PCDH15: variants seen among roughly 807,000 people sequenced by gnomAD.
PCDH15 encodes protocadherin related 15.
A neutral mutation model predicts 178.5 loss-of-function variants in PCDH15; 129 were observed. The observed-to-expected ratio is 0.72, with a 90% CI of 0.63 to 0.84. The LOEUF (loss-of-function observed/expected upper bound fraction) is 0.84. Ranked by LOEUF, PCDH15 falls within the 40% of genes least tolerant of loss-of-function variation. PCDH15 has a pLI of 0.00. For missense variants in PCDH15, 2,230 were observed against 2,099.9 expected (o/e 1.06, Z -1.21); for synonymous variants, 800 against 732.0 (o/e 1.09, Z -1.50).
At chr10:54,894,188 AAT>A (rs1266518767) in intron 3 of PCDH15, among the ~76,000 whole-genome samples, 1 of 152,112 alleles carries the variant, frequency 6.6e-6, no homozygotes, top group African/African-American at 2.4e-5. Flanking sequence ...AGACAACACT[AAT>A]ACAATGTATT....
chr10:55,128,893 T>G (rs1379308207), intron 2 of PCDH15, among the ~76,000 whole-genome samples: 1 of 152,048 alleles, frequency 6.6e-6, no homozygotes, highest in Non-Finnish European at 1.5e-5. Flanking sequence ...CTGCCAGAGT[T>G]TCATGGATAA....
At chr10:54,487,968 G>A (rs2079244792) in intron 3 of PCDH15, among the ~76,000 whole-genome samples, 1 of 151,830 alleles carries the variant, frequency 6.6e-6, no homozygotes, top group African/African-American at 2.4e-5. Flanking sequence ...TGATCAAAGT[G>A]AAGCTTTTGA....
intron 1 of PCDH15, among the ~76,000 whole-genome samples, chr10:54,684,829 A>T (rs190519965): frequency 6.6e-6 from 1 of 151,928 alleles, no homozygotes; most frequent in African/African-American, 2.4e-5. Flanking sequence ...GTGTATTAGA[A>T]TAGAATGTCT....
chr10:54,682,501 A>G (rs1032884076), intron 1 of PCDH15, among the ~76,000 whole-genome samples: 1 of 152,188 alleles, frequency 6.6e-6, no homozygotes, highest in Non-Finnish European at 1.5e-5. Context: ...CATTTATTGC[A>G]TCTTTACCAC....
chr10:54,206,712 TCTC>T (rs3069580), intron 10 of PCDH15, among the ~76,000 whole-genome samples: 136,603 of 151,956 alleles, frequency 0.9, 61,566 homozygotes, highest in East Asian at 0.98. Flanking sequence ...GGTCAATATT[TCTC>T]CTCCACCTAC....
chr10:55,602,238 CG>C (rs1311210629), intron 2 of PCDH15, among the ~76,000 whole-genome samples: 2 of 152,194 alleles, frequency 1.3e-5, no homozygotes, highest in Non-Finnish European at 2.9e-5. Flanking sequence ...GAGGGTCCTA[CG>C]CCCACGGAGT....
At chr10:54,906,424 A>G (rs1954722864) in intron 2 of PCDH15, among the ~76,000 whole-genome samples, 1 of 152,164 alleles carries the variant, frequency 6.6e-6, no homozygotes, top group South Asian at 2.1e-4. Context: ...TACCAAGCTC[A>G]CATTAAAATA....
chr10:55,121,548 T>A (rs925774891), intron 2 of PCDH15, among the ~76,000 whole-genome samples: 4 of 152,146 alleles, frequency 2.6e-5, no homozygotes, highest in Admixed American at 1.3e-4. Context: ...GGGAAGACCA[T>A]CATGGTTTGA....
At position 54,259,111 on chromosome 10, in the gene PCDH15, T is replaced by A. The variant is rs767898817; in HGVS notation, c.877-22180A>T. Among the ~76,000 whole-genome samples, 65 of 151,542 alleles carry A rather than the reference T, an allele frequency of 4.3e-4. 1 individual carries two copies. The highest frequency in any genetic ancestry group is 8.5e-4 in the Non-Finnish European group (58 of 67,988). ...ATAGTGACCTAAATTACTTTAAAGG[T>A]AATCTTGATCATAATAGAATGCTGC... On this transcript the variant is annotated intron_variant, in intron 8 of 37. Coordinates refer to ENST00000644397, the MANE Select transcript of PCDH15 (RefSeq NM_001384140.1).
At chr10:54,963,954 GA>G (rs1838718207) in intron 2 of PCDH15, among the ~76,000 whole-genome samples, 1 of 152,134 alleles carries the variant, frequency 6.6e-6, no homozygotes, top group South Asian at 2.1e-4. Context: ...TCCATCTCCT[GA>G]AGAGGCTAAA....
At chr10:55,157,905 G>A (rs1308620471) in intron 2 of PCDH15, among the ~76,000 whole-genome samples, 1 of 151,812 alleles carries the variant, frequency 6.6e-6, no homozygotes, top group Non-Finnish European at 1.5e-5. Context: ...GTATACATAT[G>A]TAACAAACAT....
chr10:54,329,900 A>T (rs781542346), intron 6 of PCDH15, among the ~76,000 whole-genome samples, 194 bp from the exon 7 acceptor site: 4 of 151,914 alleles, frequency 2.6e-5, no homozygotes, highest in Non-Finnish European at 5.9e-5. Context: ...GTTTCCCCAG[A>T]GTCCTTTGGT....
chr10:55,587,106 A>G (rs1471497401), intron 2 of PCDH15, among the ~76,000 whole-genome samples: 5 of 152,040 alleles, frequency 3.3e-5, no homozygotes, highest in Non-Finnish European at 5.9e-5. Context: ...TCATATATGT[A>G]CCTTTTTTGT....
At chr10:54,453,062 G>A (rs956410954) in intron 3 of PCDH15, among the ~76,000 whole-genome samples, 2 of 152,080 alleles carry the variant, frequency 1.3e-5, no homozygotes, top group Non-Finnish European at 1.5e-5. Context: ...TGGTGCGACT[G>A]TAAACTAGTT....
At chr10:54,875,031 T>G (rs779018122) in intron 3 of PCDH15, among the ~76,000 whole-genome samples, 1 of 152,162 alleles carries the variant, frequency 6.6e-6, no homozygotes, top group Non-Finnish European at 1.5e-5. Flanking sequence ...TTATTGTGGT[T>G]CACAGATTTT....
chr10:55,050,354 C>T (rs1007468125), intron 2 of PCDH15, among the ~76,000 whole-genome samples: 3 of 151,920 alleles, frequency 2.0e-5, no homozygotes, highest in African/African-American at 7.2e-5. Context: ...TAACAAAGTA[C>T]CTTGTACATT....
At chr10:54,921,707 C>A (rs1837493078) in intron 2 of PCDH15, among the ~76,000 whole-genome samples, 1 of 152,164 alleles carries the variant, frequency 6.6e-6, no homozygotes, top group Non-Finnish European at 1.5e-5. Context: ...GTTTATGTAC[C>A]ACATTTTTTT....
chr10:54,842,024 A>G (rs1202083122), intron 3 of PCDH15, among the ~76,000 whole-genome samples: 1 of 151,914 alleles, frequency 6.6e-6, no homozygotes, highest in Non-Finnish European at 1.5e-5. Context: ...TCAAATTAAG[A>G]GAATAAATCA....
intron 1 of PCDH15, among the ~76,000 whole-genome samples, chr10:55,259,539 A>T (rs1405280728): frequency 1.3e-5 from 2 of 152,156 alleles, no homozygotes; most frequent in Admixed American, 6.6e-5. Flanking sequence ...AACTGGTGAA[A>T]GACTCTTTGG....
Sources: allele counts gnomAD v4.1 joint callset (sites outside exome capture counted in the v4.1 genomes callset), GRCh38; gene constraint gnomAD v4.1.1; transcripts MANE v1.5; gene names NCBI Gene and HGNC (gene_info 2026-07-23, HGNC 2026-07-21).